Variants in SH3PXD2A observed in about 807,000 individuals in gnomAD.
The protein encoded by SH3PXD2A is SH3 and PX domain-containing protein 2A.
Under a neutral mutation model 115.2 loss-of-function variants are expected in SH3PXD2A, and 32 were observed. That is an observed-to-expected ratio of 0.28 (90% CI 0.21 to 0.37). SH3PXD2A has a LOEUF of 0.37. SH3PXD2A is among the 10% of genes least tolerant of loss of function. The pLI, the probability that SH3PXD2A is intolerant of heterozygous loss-of-function variation, is 1.00. For synonymous variants in SH3PXD2A, 610 were observed against 629.1 expected, an observed-to-expected ratio of 0.97 and a Z score of 0.45; for missense variants, 1,328 against 1,498.7, an observed-to-expected ratio of 0.89 and a Z score of 1.88.
intron 1 of SH3PXD2A, among the ~76,000 whole-genome samples, chr10:103,842,206 C>T (rs967258518): frequency 1.8e-4 from 7 of 37,870 alleles, no homozygotes; most frequent in South Asian, 2.6e-3. Context: ...GTTTTCCCTA[C>T]GCCATTCAAC....
intron 7 of SH3PXD2A, among the ~76,000 whole-genome samples, chr10:103,664,887 G>C (rs2037364000): frequency 6.6e-6 from 1 of 152,052 alleles, no homozygotes; most frequent in Non-Finnish European, 1.5e-5. Context: ...TGGCTAGGCT[G>C]GCCTTGAACT....
At chr10:103,713,326 C>G (rs1044725049) in intron 5 of SH3PXD2A, among the ~76,000 whole-genome samples, 1 of 152,160 alleles carries the variant, frequency 6.6e-6, no homozygotes, top group Non-Finnish European at 1.5e-5. Context: ...ATGCTTGGAC[C>G]ACTGCAATAG....
chr10:103,641,967 A>C lies in SH3PXD2A; in HGVS notation c.605-14765T>G, dbSNP rs186138247. ...AATTACATATACTGTGGTTCATATAACATATACAGATGTGCCTTGACTTAC... is the reference window on the plus strand; with the variant it reads ...AATTACATATACTGTGGTTCATATACCATATACAGATGTGCCTTGACTTAC... On this transcript the variant is annotated intron_variant, in intron 8 of 14. Coordinates refer to ENST00000369774, the MANE Select transcript of SH3PXD2A (RefSeq NM_001394015.1). Among the ~76,000 whole-genome samples, 675 of 152,302 alleles carry C rather than the reference A, an allele frequency of 4.4e-3. 1 individual carries two copies. The highest frequency in any genetic ancestry group is 7.3e-3 in the Admixed American group (111 of 15,296).
chr10:103,702,328 A>G (rs1271375046), intron 5 of SH3PXD2A, among the ~76,000 whole-genome samples: 1 of 152,216 alleles, frequency 6.6e-6, no homozygotes, highest in Non-Finnish European at 1.5e-5. Context: ...GATGGCAAAC[A>G]CCCACGAAAA....
intron 1 of SH3PXD2A, among the ~76,000 whole-genome samples, chr10:103,807,429 T>TGGCCCCA (rs2039217867): frequency 6.6e-6 from 1 of 152,242 alleles, no homozygotes; most frequent in South Asian, 2.1e-4. Context: ...CAGCTGCCCC[T>TGGCCCCA]GGCCCCAGGC....
chr10:103,738,915 C>T (rs867786079), intron 3 of SH3PXD2A, among the ~76,000 whole-genome samples: 1 of 152,140 alleles, frequency 6.6e-6, no homozygotes, highest in Non-Finnish European at 1.5e-5. Flanking sequence ...CTACTTCAGC[C>T]TCCCGAGTAG....
chr10:103,621,559 G>A (rs979751172), intron 10 of SH3PXD2A, among the ~76,000 whole-genome samples: 22 of 152,308 alleles, frequency 1.4e-4, no homozygotes, highest in African/African-American at 5.3e-4. Context: ...GTCACTGGGT[G>A]TCCCCGCTTC....
intron 5 of SH3PXD2A, among the ~76,000 whole-genome samples, chr10:103,704,262 G>A (rs1192204256): frequency 2.0e-5 from 3 of 152,204 alleles, no homozygotes; most frequent in Non-Finnish European, 4.4e-5. Flanking sequence ...AGGTGGGGGC[G>A]GTGGCCACTG....
chr10:103,670,148 C>G (rs912311314), intron 6 of SH3PXD2A, among the ~76,000 whole-genome samples: 1 of 152,222 alleles, frequency 6.6e-6, no homozygotes, highest in African/African-American at 2.4e-5. Context: ...GGTTGGCTCC[C>G]GGTGTAGAAC....
chr10:103,821,413 G>A (rs1162348679), intron 1 of SH3PXD2A, among the ~76,000 whole-genome samples: 1 of 152,142 alleles, frequency 6.6e-6, no homozygotes, highest in East Asian at 1.9e-4. Context: ...ACAGGCGTGA[G>A]CCACCACACC....
At chr10:103,796,859 CTTTTT>C (rs11352709) in intron 2 of SH3PXD2A, among the ~76,000 whole-genome samples, 1 of 114,120 alleles carries the variant, frequency 8.8e-6, no homozygotes, top group Admixed American at 9.6e-5. Context: ...TTTGGAACAT[CTTTTT>C]TTTTTTTTTT....
At chr10:103,671,742 CAG>C (rs1359974268) in intron 6 of SH3PXD2A, among the ~76,000 whole-genome samples, 3 of 151,212 alleles carry the variant, frequency 2.0e-5, no homozygotes, top group Non-Finnish European at 4.4e-5. Flanking sequence ...GTTGGAGAGA[CAG>C]AGGGACAGGG....
chr10:103,733,944 A>G (rs2038352370), intron 4 of SH3PXD2A, among the ~76,000 whole-genome samples: 1 of 151,392 alleles, frequency 6.6e-6, no homozygotes, highest in African/African-American at 2.4e-5. Flanking sequence ...TTTTGGAGAG[A>G]TGAGGTCTCG....
chr10:103,663,698 A>C (rs2047038), intron 7 of SH3PXD2A, among the ~76,000 whole-genome samples: 4 of 152,232 alleles, frequency 2.6e-5, no homozygotes, highest in East Asian at 1.9e-4. Context: ...GTCCTTCTGT[A>C]GGGGGAGGCT....
At chr10:103,656,692 T>C (rs555264516) in intron 8 of SH3PXD2A, among the ~76,000 whole-genome samples, 102 of 152,074 alleles carry the variant, frequency 6.7e-4, no homozygotes, top group African/African-American at 2.4e-3. Flanking sequence ...TAGTCAGCCG[T>C]GGTAGCAGGT....
At chr10:103,692,925 A>ACCCCCCCCCCCC in intron 6 of SH3PXD2A, 103 bp downstream of exon 6, 1 of 908,280 alleles carries the variant, frequency 1.1e-6, no homozygotes, top group Non-Finnish European at 1.7e-6. Flanking sequence ...TGCAAGGACA[A>ACCCCCCCCCCCC]CCCCCCCCTC....
At chr10:103,839,853 C>T (rs1421250829) in intron 1 of SH3PXD2A, among the ~76,000 whole-genome samples, 3 of 152,242 alleles carry the variant, frequency 2.0e-5, no homozygotes, top group Non-Finnish European at 2.9e-5. Flanking sequence ...ATTCTGGAGT[C>T]CGAGTTTGCA....
rs150357234 is a variant in SH3PXD2A at position 103,602,978 on chromosome 10, G to A, written c.2240C>T (p.Thr747Ile). The change falls in exon 15 of 15, where the codon ACC (threonine) becomes ATC (isoleucine). Residue 747 changes from threonine to isoleucine, a missense_variant. By Grantham distance (89) the Thr-to-Ile change is moderately conservative (BLOSUM62 -1). This residue lies in a region of SH3PXD2A where 574 missense variants were observed against 565.7 expected (regional missense o/e 1.01). Coordinates refer to ENST00000369774, the MANE Select transcript of SH3PXD2A (RefSeq NM_001394015.1). The stretch of plus-strand genomic sequence containing the variant: ...CGATGGCTTGGCCCGGGGACAGGAG[G>A]TCAGCCCAGCGTTCGCATCAGCATC... The part of the protein sequence containing the change: ...KKDADANAGL[T>I]SCPRAKPSVR... 5.0e-5 allele frequency: 80 copies of A among 1,614,244 alleles called. No homozygotes were observed. The African/African-American group carries it at 9.9e-4, about 20-fold the overall frequency.
chr10:103,814,016 C>A (rs4917403), intron 1 of SH3PXD2A, among the ~76,000 whole-genome samples: 7,954 of 42,442 alleles, frequency 0.19, 292 homozygotes, highest in Admixed American at 0.3. Flanking sequence ...AAAAAAAAAA[C>A]AACAAAAAAA....
Sources: gnomAD v4.1 joint callset for allele counts (sites outside exome capture counted in the v4.1 genomes callset) on GRCh38, gnomAD v4.1.1 for gene constraint, gnomAD v4.1.1 regional missense constraint, MANE v1.5 for transcripts, NCBI Gene and HGNC (gene_info 2026-07-23, HGNC 2026-07-21) for gene names.